The following SPAG17 variants were observed in gnomAD, a reference collection of about 807,000 sequenced individuals.
The protein encoded by SPAG17 is sperm associated antigen 17, also known as sperm-associated antigen 17.
Under a neutral mutation model 273.6 loss-of-function variants are expected in SPAG17, and 169 were observed. The observed-to-expected ratio is 0.62, with a 90% confidence interval of 0.55 to 0.70. The LOEUF (loss-of-function observed/expected upper bound fraction) is 0.70. Ranked by LOEUF, SPAG17 falls within the 30% of genes least tolerant of loss-of-function variation. The pLI, the probability that SPAG17 is intolerant of heterozygous loss-of-function variation, is 0.00. For synonymous variants in SPAG17, 825 were observed against 873.2 expected, an observed-to-expected ratio of 0.94 and a Z score of 0.97; for missense variants, 2,557 against 2,627.8, an observed-to-expected ratio of 0.97 and a Z score of 0.59.
At chr1:117,987,050 G>A (rs983713538) in intron 40 of SPAG17, among the ~76,000 whole-genome samples, 1 of 152,108 alleles carries the variant, frequency 6.6e-6, no homozygotes, top group Non-Finnish European at 1.5e-5. Context: ...ATTAGATTGT[G>A]CTTTTTTGCC....
chr1:118,153,031 G>A (rs1481711776), intron 1 of SPAG17, among the ~76,000 whole-genome samples: 1 of 152,214 alleles, frequency 6.6e-6, no homozygotes, highest in Admixed American at 6.5e-5. Context: ...TCCACTGCAA[G>A]TTTCCTTGCC....
At chr1:118,021,627 C>T (rs190149017) in intron 28 of SPAG17, among the ~76,000 whole-genome samples, 2 of 152,260 alleles carry the variant, frequency 1.3e-5, no homozygotes, top group Admixed American at 6.5e-5. Flanking sequence ...ATTGGGGAAA[C>T]TGTGAGCAGA....
chr1:117,994,717 ACAC>A (rs1161916093), intron 34 of SPAG17, among the ~76,000 whole-genome samples, 187 bp from the exon 35 acceptor site: 1 of 152,152 alleles, frequency 6.6e-6, no homozygotes, highest in Non-Finnish European at 1.5e-5. Context: ...AGGCACTGTG[ACAC>A]CTAGAGACTA....
chr1:118,042,450 C>T (rs1350344064), intron 20 of SPAG17, among the ~76,000 whole-genome samples: 1 of 152,106 alleles, frequency 6.6e-6, no homozygotes, highest in Non-Finnish European at 1.5e-5. Context: ...TTCAGAGAAA[C>T]ATTCCTGGGA....
chr1:117,975,984 C>T (rs1315286237), intron 43 of SPAG17, among the ~76,000 whole-genome samples: 1 of 152,196 alleles, frequency 6.6e-6, no homozygotes, highest in Non-Finnish European at 1.5e-5. Context: ...ATTTAATTCT[C>T]ACAGCCCTGT....
chr1:118,107,141 C>T (rs1279630499), intron 4 of SPAG17, among the ~76,000 whole-genome samples: 3 of 152,040 alleles, frequency 2.0e-5, no homozygotes, highest in Non-Finnish European at 4.4e-5. Flanking sequence ...AGAGTTTGTC[C>T]GAAGACACAC....
chr1:117,998,665 T>C (rs1033910247), intron 32 of SPAG17, among the ~76,000 whole-genome samples: 1 of 152,184 alleles, frequency 6.6e-6, no homozygotes. Context: ...ATTTTAACAA[T>C]ATTGATTGTT....
chr1:118,034,534 A>AAG (rs1419647446), intron 24 of SPAG17, among the ~76,000 whole-genome samples: 2 of 152,200 alleles, frequency 1.3e-5, no homozygotes, highest in Non-Finnish European at 2.9e-5. Context: ...TTGCTCTGGG[A>AAG]AGCATTTCTC....
chr1:118,138,523 CCACACATATA>C (rs11471352), intron 3 of SPAG17, among the ~76,000 whole-genome samples: 10,162 of 152,074 alleles, frequency 0.067, 488 homozygotes, highest in East Asian at 0.26. Context: ...ACATCACAAA[CCACACATATA>C]CACACATATA....
At chr1:118,104,575 G>T (rs1656272672) in intron 4 of SPAG17, among the ~76,000 whole-genome samples, 1 of 152,200 alleles carries the variant, frequency 6.6e-6, no homozygotes, top group Non-Finnish European at 1.5e-5. Context: ...TATGAGAATT[G>T]AGTCCGAGAT....
At chr1:117,973,381 A>G (rs181593503) in intron 44 of SPAG17, 44 bp downstream of exon 44, 2 of 1,591,800 alleles carry the variant, frequency 1.3e-6, no homozygotes, top group East Asian at 4.5e-5. Flanking sequence ...AATTCCATCA[A>G]ATGCTGATTG....
chr1:118,148,968 A>T (rs1259108791), intron 3 of SPAG17, among the ~76,000 whole-genome samples: 1 of 152,172 alleles, frequency 6.6e-6, no homozygotes, highest in African/African-American at 2.4e-5. Flanking sequence ...TCCTTGGCTG[A>T]TGCTGACAAG....
At chr1:118,164,097 T>G (rs2102377838) in intron 1 of SPAG17, among the ~76,000 whole-genome samples, 2 of 152,314 alleles carry the variant, frequency 1.3e-5, no homozygotes, top group South Asian at 4.1e-4. Context: ...AACAAGGACC[T>G]TTTAGGTATC....
intron 4 of SPAG17, among the ~76,000 whole-genome samples, chr1:118,105,875 G>C (rs778242932): frequency 6.6e-6 from 1 of 152,036 alleles, no homozygotes; most frequent in Non-Finnish European, 1.5e-5. Flanking sequence ...AGAAGAATCA[G>C]AGAAATCAGA....
At chr1:117,968,263 T>C (rs1378226466) in intron 46 of SPAG17, among the ~76,000 whole-genome samples, 1 of 152,178 alleles carries the variant, frequency 6.6e-6, no homozygotes, top group Non-Finnish European at 1.5e-5. Flanking sequence ...AAAAACCTTA[T>C]GGTATAGAGT....
intron 36 of SPAG17, 59 bp from the exon 37 acceptor site, chr1:117,991,587 A>G: frequency 9.6e-7 from 1 of 1,038,382 alleles, no homozygotes; most frequent in Non-Finnish European, 1.4e-6. Flanking sequence ...AGAGAGATAC[A>G]AAAATGGTCA....
chr1:117,996,603 G>C lies in SPAG17; in HGVS notation c.4917C>G (p.Val1639=). ...KNHQQIYGEH[V]PRFFVMYADG... ...TTATAGTATTATTCTTTTACCTGGG[G>C]ACATGTTCACCATAGATTTGCTGAT... Residue 1639 remains valine, a synonymous_variant, in exon 33 of 49, where the codon GTC becomes GTG. Transcript: ENST00000336338. 6.2e-7 allele frequency: 1 copy of C among 1,610,094 alleles called. No individual in the cohort carries two copies. The highest frequency in any genetic ancestry group is 8.5e-7 in the Non-Finnish European group (1 of 1,178,712).
At chr1:118,123,700 C>A (rs1023896767) in intron 3 of SPAG17, among the ~76,000 whole-genome samples, 6 of 152,126 alleles carry the variant, frequency 3.9e-5, no homozygotes, top group African/African-American at 7.2e-5. Context: ...GTCATTGGAC[C>A]CCTTACATCT....
intron 30 of SPAG17, among the ~76,000 whole-genome samples, 183 bp downstream of exon 30, chr1:118,012,045 A>G (rs1659526595): frequency 6.6e-6 from 1 of 152,120 alleles, no homozygotes; most frequent in Non-Finnish European, 1.5e-5. Flanking sequence ...AGTAATGATG[A>G]TAATAATAAT....
Sources: allele counts gnomAD v4.1 joint callset (sites outside exome capture counted in the v4.1 genomes callset), GRCh38; gene constraint gnomAD v4.1.1; transcripts MANE v1.5; gene names NCBI Gene and HGNC (gene_info 2026-07-23, HGNC 2026-07-21).